Variants in DENND5A observed in about 807,000 individuals in gnomAD.
The protein encoded by DENND5A is DENN domain containing 5A.
A neutral mutation model predicts 140.3 loss-of-function variants in DENND5A; 64 were observed. The observed-to-expected ratio is 0.46, with a 90% CI of 0.37 to 0.56. The LOEUF (loss-of-function observed/expected upper bound fraction) is 0.56, where lower values mean the gene tolerates loss of function less well. DENND5A is among the 20% of genes least tolerant of loss of function. The pLI, the probability that DENND5A is intolerant of heterozygous loss-of-function variation, is 0.00. For synonymous variants in DENND5A, 605 were observed against 607.7 expected (o/e 1.00, Z 0.07); for missense variants, 1,292 against 1,593.8 (o/e 0.81, Z 3.22).
chr11:9,141,611 T>C (rs957119181), intron 22 of DENND5A, among the ~76,000 whole-genome samples: 1 of 152,176 alleles, frequency 6.6e-6, no homozygotes, highest in African/African-American at 2.4e-5. Flanking sequence ...CTGTGCTGAA[T>C]ACCGTAGGCA....
intron 22 of DENND5A, 125 bp downstream of exon 22, chr11:9,141,815 C>G (rs761881631): frequency 1.5e-5 from 12 of 820,742 alleles, no homozygotes; most frequent in Non-Finnish European, 1.9e-5. Context: ...TTCTAGGAAA[C>G]CTTCTAAGGC....
chr11:9,151,139 C>T (rs1465095899), intron 13 of DENND5A, among the ~76,000 whole-genome samples: 1 of 152,208 alleles, frequency 6.6e-6, no homozygotes, highest in Non-Finnish European at 1.5e-5. Flanking sequence ...CCATGATCCA[C>T]AGAAGCAGTG....
intron 1 of DENND5A, among the ~76,000 whole-genome samples, chr11:9,247,209 G>T (rs1217197290): frequency 1.4e-5 from 2 of 147,544 alleles, no homozygotes; most frequent in African/African-American, 5.0e-5. Flanking sequence ...CAGCCTGGGC[G>T]ACAGAGCGAG....
intron 10 of DENND5A, 105 bp downstream of exon 10, chr11:9,169,751 T>G (rs1848310006): frequency 1.4e-6 from 1 of 734,202 alleles, no homozygotes; most frequent in African/African-American, 1.7e-5. Flanking sequence ...TGGGGTGAGG[T>G]CATTGCTGAG....
chr11:9,264,830 G>T, intron 1 of DENND5A, 131 bp downstream of exon 1: 2 of 750,774 alleles, frequency 2.7e-6, no homozygotes, highest in Non-Finnish European at 4.2e-6. Context: ...CCCTTCGCCC[G>T]CGCCCGCCCT....
intron 12 of DENND5A, among the ~76,000 whole-genome samples, chr11:9,157,622 TG>T (rs1847852805): frequency 6.6e-6 from 1 of 152,226 alleles, no homozygotes; most frequent in South Asian, 2.1e-4. Flanking sequence ...CTTAGGACTA[TG>T]GTCTCCAGCT....
intron 5 of DENND5A, among the ~76,000 whole-genome samples, chr11:9,184,661 CT>C (rs1214110084): frequency 6.6e-6 from 1 of 152,204 alleles, no homozygotes; most frequent in Non-Finnish European, 1.5e-5. Flanking sequence ...TAAAATGGCA[CT>C]GCATCGTGTA....
At chr11:9,252,215 T>G (rs1436861684) in intron 1 of DENND5A, among the ~76,000 whole-genome samples, 1 of 147,142 alleles carries the variant, frequency 6.8e-6, no homozygotes, top group African/African-American at 2.5e-5. Context: ...GGAGAATCGC[T>G]TGAACCCGGG....
chr11:9,233,447 T>C (rs1390808161), intron 1 of DENND5A, among the ~76,000 whole-genome samples: 2 of 150,820 alleles, frequency 1.3e-5, no homozygotes, highest in African/African-American at 4.9e-5. Flanking sequence ...TTAGACCCTC[T>C]GGAGTGGGTT....
intron 12 of DENND5A, among the ~76,000 whole-genome samples, chr11:9,158,230 C>G (rs1356686487): frequency 6.6e-6 from 1 of 152,100 alleles, no homozygotes; most frequent in South Asian, 2.1e-4. Flanking sequence ...ACACAAGGAC[C>G]CAATGGATGT....
intron 6 of DENND5A, 131 bp downstream of exon 6, chr11:9,180,636 C>T (rs1848695391): frequency 2.3e-6 from 2 of 859,942 alleles, no homozygotes; most frequent in Admixed American, 2.3e-5. Flanking sequence ...GTCCCCCATA[C>T]AGAACATTCT....
At chr11:9,152,597 C>T (rs1212526593) in intron 12 of DENND5A, among the ~76,000 whole-genome samples, 155 bp from the exon 13 acceptor site, 1 of 152,000 alleles carries the variant, frequency 6.6e-6, no homozygotes, top group Non-Finnish European at 1.5e-5. Flanking sequence ...TATCAATTTA[C>T]TAAAATCCAG....
chr11:9,191,103 C>T (rs1425177296), intron 5 of DENND5A, among the ~76,000 whole-genome samples: 1 of 152,136 alleles, frequency 6.6e-6, no homozygotes, highest in South Asian at 2.1e-4. Context: ...CCTTCCCAAG[C>T]AGACTACAGG....
At position 9,204,206 on chromosome 11, in the gene DENND5A, G is replaced by A. The variant is rs780024378; in HGVS notation, c.403C>T (p.Leu135Phe). 3.2e-5 allele frequency: 51 copies of A among 1,613,918 alleles called. 1 individual carries two copies. The South Asian group carries it at 4.7e-4, about 15-fold the overall frequency. Residue 135 changes from leucine (L) to phenylalanine (F), a missense_variant, in exon 4 of 23, where the codon CTC becomes TTC. Leu to Phe is a conservative substitution (Grantham distance 22, BLOSUM62 0). Around this residue, in one of 4 missense-constraint regions of DENND5A, gnomAD observed 566 missense variants for 650.4 expected, o/e 0.87. Transcript: ENST00000328194. ...EDGSRTFGFA[L>F]TFYEEVTSKQ... The stretch of plus-strand genomic sequence containing the variant: ...CTAGTCACCTCTTCATAAAATGTGA[G>A]GGCAAACCCAAATGTCCGAGAGCCA...
At chr11:9,162,287 G>A (rs2136142215) in intron 11 of DENND5A, among the ~76,000 whole-genome samples, 1 of 131,412 alleles carries the variant, frequency 7.6e-6, no homozygotes, top group South Asian at 2.4e-4. Context: ...TGCCCAGGCT[G>A]GAGTGCAATG....
At chr11:9,207,773 A>G (rs1009277265) in intron 1 of DENND5A, 141 bp from the exon 2 acceptor site, 2 of 574,066 alleles carry the variant, frequency 3.5e-6, no homozygotes, top group African/African-American at 3.7e-5. Flanking sequence ...AATTTACCTA[A>G]AGCAAAAATT....
At position 9,145,549 on chromosome 11, in the gene DENND5A, A is replaced by T. The variant is rs539472950; in HGVS notation, c.3003+121T>A. 4.6e-6 allele frequency: 5 copies of T among 1,090,258 alleles called. No homozygotes were observed. The African/African-American group carries it at 7.8e-5, about 17-fold the overall frequency. The allele number at this position is 1,090,258 out of a possible 1,614,324, so 67.5% of individuals were successfully genotyped here. On this transcript the variant is annotated intron_variant, in intron 17 of 22. Coordinates refer to ENST00000328194, the MANE Select transcript of DENND5A (RefSeq NM_015213.4). ...AGCCTCAGATCATCTCAGGAAGGTC[A>T]GCTATGCTGAAGCATTACACTGTAC... is the stretch of plus-strand genomic sequence containing the variant.
At position 9,220,550 on chromosome 11, in the gene DENND5A, A is replaced by AAATAAT. The variant is rs548747906; in HGVS notation, c.110-12924_110-12919dup. 1.6e-4 allele frequency among the ~76,000 whole-genome samples: 24 copies of AAATAAT among 150,960 alleles called. No homozygotes were observed. The East Asian group carries it at 1.7e-3, about 11-fold the overall frequency. On this transcript the variant is annotated intron_variant, in intron 1 of 22. Coordinates refer to ENST00000328194, the MANE Select transcript of DENND5A (RefSeq NM_015213.4). ...CAACAAGAGCGAAACTCTGTCTCAA[A>AAATAAT]AATAATAATAATAATAATAATAATA...
chr11:9,215,475 C>T (rs1292901045), intron 1 of DENND5A, among the ~76,000 whole-genome samples: 2 of 152,064 alleles, frequency 1.3e-5, no homozygotes, highest in Non-Finnish European at 2.9e-5. Flanking sequence ...ACATTATTTC[C>T]TGTTTAGTGG....
Sources: gnomAD v4.1 joint callset for allele counts (sites outside exome capture counted in the v4.1 genomes callset) on GRCh38, gnomAD v4.1.1 for gene constraint, gnomAD v4.1.1 regional missense constraint, MANE v1.5 for transcripts, NCBI Gene and HGNC (gene_info 2026-07-23, HGNC 2026-07-21) for gene names.